The following CYP7B1 variants were observed in gnomAD, a reference collection of about 807,000 sequenced individuals.
CYP7B1 encodes the protein cytochrome P450 family 7 subfamily B member 1, also known as cytochrome P450 7B1.
Under a neutral mutation model 42.7 loss-of-function variants are expected in CYP7B1, and 29 were observed. The ratio of observed to expected loss-of-function variants is 0.68; its 90% CI spans 0.51 to 0.93. The LOEUF is 0.93. Ranked by LOEUF, CYP7B1 falls within the 40% of genes least tolerant of loss-of-function variation. CYP7B1 has a pLI of 0.00. For synonymous variants in CYP7B1, 235 were observed against 218.2 expected (o/e 1.08, Z -0.68); for missense variants, 655 against 600.5 (o/e 1.09, Z -0.95).
intron 1 of CYP7B1, among the ~76,000 whole-genome samples, chr8:64,791,082 G>A (rs948472617): frequency 6.6e-6 from 1 of 152,156 alleles, no homozygotes; most frequent in Non-Finnish European, 1.5e-5. Context: ...GCATGGAACA[G>A]AATCTCTCTC....
intron 1 of CYP7B1, among the ~76,000 whole-genome samples, chr8:64,795,253 A>G (rs1490715463): frequency 6.6e-6 from 1 of 152,252 alleles, no homozygotes; most frequent in Non-Finnish European, 1.5e-5. Flanking sequence ...TCCCATTTAT[A>G]TGAAGTTTGA....
At chr8:64,674,007 T>C (rs1470082747) in intron 1 of CYP7B1, among the ~76,000 whole-genome samples, 1 of 152,132 alleles carries the variant, frequency 6.6e-6, no homozygotes, top group Non-Finnish European at 1.5e-5. Context: ...CTGGCTCATC[T>C]GCTTTTTTTC....
At position 64,685,758 on chromosome 8, in the gene CYP7B1, C is replaced by G. The variant is rs1416551232; in HGVS notation, c.123-61219G>C. On this transcript the variant is annotated intron_variant, in intron 1 of 5. Coordinates refer to ENST00000310193, the MANE Select transcript of CYP7B1 (RefSeq NM_004820.5). Reference sequence around the variant, plus strand: ...GAGCGTCTCCGCCCGGCAGCCACCCCATCCGGGAGGGAGGTGGGGGGGGGT... The same window carrying G: ...GAGCGTCTCCGCCCGGCAGCCACCCGATCCGGGAGGGAGGTGGGGGGGGGT... Among the ~76,000 whole-genome samples, 2 of 59,382 alleles carry G rather than the reference C, an allele frequency of 3.4e-5. 1 individual carries two copies. The highest frequency in any genetic ancestry group is 8.7e-5 in the Non-Finnish European group (2 of 23,004). The allele number at this position is 59,382 out of a possible 152,430, so 39.0% of individuals were successfully genotyped here.
At chr8:64,759,603 G>A (rs1052409354) in intron 1 of CYP7B1, among the ~76,000 whole-genome samples, 16 of 152,092 alleles carry the variant, frequency 1.1e-4, no homozygotes, top group African/African-American at 3.6e-4. Flanking sequence ...ATCAAACTAT[G>A]ATATGAATAT....
At chr8:64,621,604 A>C (rs1277135515) in intron 2 of CYP7B1, among the ~76,000 whole-genome samples, 2 of 152,204 alleles carry the variant, frequency 1.3e-5, no homozygotes, top group African/African-American at 2.4e-5. Context: ...CAGCAGCAAG[A>C]GACTGAGCTG....
chr8:64,609,164 C>A (rs975574366), intron 4 of CYP7B1, among the ~76,000 whole-genome samples: 7 of 152,066 alleles, frequency 4.6e-5, no homozygotes, highest in African/African-American at 9.7e-5. Flanking sequence ...ATTTAATTGA[C>A]AAATAAAAAT....
At chr8:64,639,886 A>G (rs907995555) in intron 1 of CYP7B1, among the ~76,000 whole-genome samples, 3 of 152,028 alleles carry the variant, frequency 2.0e-5, no homozygotes, top group African/African-American at 7.2e-5. Flanking sequence ...GTGAATGGGT[A>G]AACAAAATGT....
At chr8:64,635,607 A>C (rs1805758090) in intron 1 of CYP7B1, among the ~76,000 whole-genome samples, 1 of 152,222 alleles carries the variant, frequency 6.6e-6, no homozygotes, top group Non-Finnish European at 1.5e-5. Flanking sequence ...AAAGATATTC[A>C]CTGTTCAAGC....
chr8:64,753,681 A>G (rs1807764534), intron 1 of CYP7B1, among the ~76,000 whole-genome samples: 1 of 152,228 alleles, frequency 6.6e-6, no homozygotes, highest in Non-Finnish European at 1.5e-5. Flanking sequence ...CAAATACATT[A>G]AGCCAGTAAG....
intron 1 of CYP7B1, among the ~76,000 whole-genome samples, chr8:64,739,236 C>T (rs116783929): frequency 6.6e-6 from 1 of 152,124 alleles, no homozygotes; most frequent in African/African-American, 2.4e-5. Context: ...GGAATACAGG[C>T]CCCCTAAAAG....
rs1466391973 is a variant in CYP7B1, at chr8:64,730,093, G to A, written c.122+68373C>T. Among the ~76,000 whole-genome samples, 8 of 151,944 alleles carry A rather than the reference G, an allele frequency of 5.3e-5. No individual in the cohort carries two copies. In the South Asian group the frequency reaches 1.2e-3, roughly 24 times the overall value. ...GATTGATTGATTGAGACAGAGTCTC[G>A]CTCTGTCACCCAGGCTGGAATGCAG... On this transcript the variant is annotated intron_variant, in intron 1 of 5. Coordinates refer to ENST00000310193, the MANE Select transcript of CYP7B1 (RefSeq NM_004820.5).
At chr8:64,640,801 A>T (rs1395686251) in intron 1 of CYP7B1, among the ~76,000 whole-genome samples, 2 of 152,138 alleles carry the variant, frequency 1.3e-5, no homozygotes, top group Non-Finnish European at 2.9e-5. Flanking sequence ...AATTAGGTAA[A>T]TGTCATGGTT....
intron 1 of CYP7B1, among the ~76,000 whole-genome samples, chr8:64,637,374 CTAA>C (rs1180044974): frequency 1.3e-5 from 2 of 152,168 alleles, no homozygotes; most frequent in East Asian, 1.9e-4. Flanking sequence ...ATAGCAAAAA[CTAA>C]TAATATCTCT....
intron 1 of CYP7B1, among the ~76,000 whole-genome samples, chr8:64,765,432 A>G (rs1807957310): frequency 6.6e-6 from 1 of 152,200 alleles, no homozygotes; most frequent in Admixed American, 6.5e-5. Context: ...ATGGGAATGC[A>G]TCTTGATGGG....
chr8:64,770,741 T>C (rs1165224112), intron 1 of CYP7B1, among the ~76,000 whole-genome samples: 1 of 152,190 alleles, frequency 6.6e-6, no homozygotes, highest in Non-Finnish European at 1.5e-5. Context: ...GAACCCACAG[T>C]CCATGTGCCA....
rs989439098 is a variant in CYP7B1 at position 64,793,137 on chromosome 8, C to T, written c.122+5329G>A. On this transcript the variant is annotated intron_variant, in intron 1 of 5. Coordinates refer to ENST00000310193, the MANE Select transcript of CYP7B1 (RefSeq NM_004820.5). ...CAGAAGGAATACAGCCTTGACAGCA[C>T]CCTGCATTTAGCTCACTAAGGTCTA... Among the ~76,000 whole-genome samples, 15 of 152,220 alleles carry T rather than the reference C, an allele frequency of 9.9e-5. 1 individual carries two copies. Among genetic ancestry groups the T allele is most frequent in the Admixed American group, 9.2e-4 (14 of 15,298 alleles).
At chr8:64,738,384 A>C (rs1439511160) in intron 1 of CYP7B1, among the ~76,000 whole-genome samples, 1 of 152,202 alleles carries the variant, frequency 6.6e-6, no homozygotes, top group Non-Finnish European at 1.5e-5. Context: ...TTCTCAAAGA[A>C]ACTACTAGCT....
intron 1 of CYP7B1, among the ~76,000 whole-genome samples, chr8:64,682,163 A>G (rs1806548332): frequency 6.6e-6 from 1 of 152,222 alleles, no homozygotes; most frequent in African/African-American, 2.4e-5. Context: ...TAGTGAATGC[A>G]CAGCTATGCA....
At chr8:64,600,970 G>C (rs1336185604) in intron 5 of CYP7B1, among the ~76,000 whole-genome samples, 3 of 152,188 alleles carry the variant, frequency 2.0e-5, no homozygotes, top group African/African-American at 7.2e-5. Flanking sequence ...CCATCAAAGT[G>C]ATTTCTGGAT....
Sources: gnomAD v4.1 joint callset for allele counts (sites outside exome capture counted in the v4.1 genomes callset) on GRCh38, gnomAD v4.1.1 for gene constraint, MANE v1.5 for transcripts, NCBI Gene and HGNC (gene_info 2026-07-23, HGNC 2026-07-21) for gene names.